The following SASH1 variants were observed in gnomAD, a reference collection of about 807,000 sequenced individuals.
SASH1 encodes the protein SAM and SH3 domain containing 1.
In SASH1, 44 loss-of-function variants were observed where a neutral mutation model predicts 125.2. That is an observed-to-expected ratio of 0.35 (90% confidence interval 0.28 to 0.45). The LOEUF (loss-of-function observed/expected upper bound fraction) is 0.45, where lower values mean the gene tolerates loss of function less well. SASH1 is among the 20% of genes least tolerant of loss of function. SASH1 has a pLI of 1.00. For missense variants in SASH1, 1,426 were observed against 1,614.5 expected, an observed-to-expected ratio of 0.88 and a Z score of 2.00; for synonymous variants, 639 against 649.1, an observed-to-expected ratio of 0.98 and a Z score of 0.24.
chr6:148,365,700 T>A (rs1218544635), intron 1 of SASH1, among the ~76,000 whole-genome samples: 2 of 151,932 alleles, frequency 1.3e-5, no homozygotes, highest in African/African-American at 4.8e-5. Flanking sequence ...TTTGCCTGGG[T>A]GTAGTGGCTC....
At chr6:148,278,271 A>G (rs1779243428) in intron 1 of SASH1, among the ~76,000 whole-genome samples, 1 of 151,960 alleles carries the variant, frequency 6.6e-6, no homozygotes, top group African/African-American at 2.4e-5. Context: ...TCCTGACCTC[A>G]GGTGAACCAC....
At chr6:148,347,711 C>T (rs559531994) in intron 1 of SASH1, among the ~76,000 whole-genome samples, 1 of 152,182 alleles carries the variant, frequency 6.6e-6, no homozygotes, top group South Asian at 2.1e-4. Flanking sequence ...ATTTGAGAGT[C>T]AAGCACATTT....
the SASH1 span, among the ~76,000 whole-genome samples, chr6:148,262,337 C>T: frequency 3.3e-5 from 5 of 152,240 alleles, no homozygotes; most frequent in East Asian, 9.7e-4. Context: ...AGAGGAGAAC[C>T]CATTTTTCCT....
intron 1 of SASH1, among the ~76,000 whole-genome samples, chr6:148,381,372 A>G (rs978982712): frequency 1.3e-4 from 20 of 152,076 alleles, no homozygotes; most frequent in Non-Finnish European, 2.9e-5. Flanking sequence ...GAGGAGAGGG[A>G]AAGTGTTTCT....
intron 16 of SASH1, among the ~76,000 whole-genome samples, chr6:148,539,005 G>C (rs146973951): frequency 7.2e-5 from 11 of 152,010 alleles, no homozygotes; most frequent in Non-Finnish European, 1.6e-4. Context: ...AACATGCCGG[G>C]TGATGCTGCT....
the SASH1 span, among the ~76,000 whole-genome samples, chr6:148,214,471 A>C: frequency 1.3e-5 from 2 of 152,210 alleles, no homozygotes; most frequent in East Asian, 1.9e-4. Flanking sequence ...ATTCTCTGAC[A>C]TTAAAATTAG....
chr6:148,427,952 C>G (rs1180060150), intron 2 of SASH1, among the ~76,000 whole-genome samples: 3 of 152,220 alleles, frequency 2.0e-5, no homozygotes, highest in Admixed American at 6.5e-5. Flanking sequence ...GTGACTTCTT[C>G]AGGAATTTTC....
intron 1 of SASH1, among the ~76,000 whole-genome samples, chr6:148,334,409 C>T (rs1252618590): frequency 9.5e-6 from 1 of 105,802 alleles, no homozygotes; most frequent in African/African-American, 3.8e-5. Context: ...GCCTGGGCCA[C>T]AGAGCGAGAC....
At position 148,532,278 on chromosome 6, in the gene SASH1, C is replaced by T. The variant is rs1489453305; in HGVS notation, c.1565-519C>T. Among the ~76,000 whole-genome samples, 1 of 152,114 alleles carries T rather than the reference C, an allele frequency of 6.6e-6. No individual in the cohort carries two copies. Among genetic ancestry groups the T allele is most frequent in the African/African-American group, 2.4e-5 (1 of 41,434 alleles). On this transcript the variant is annotated intron_variant, in intron 13 of 19. Transcript: ENST00000367467. The surrounding 1 kb of genome is among the most constrained non-coding windows in gnomAD (Gnocchi z 4.7). ...AGAGACGGGGTTTTGCCATGTAGCC[C>T]AGGCTGGTGGAACTCCTGGACTCAA...
rs1283201815 is a variant in SASH1, at chr6:148,487,697, T to C, written c.711T>C (p.Asp237=). The C allele has an allele frequency of 1.2e-6, 2 of 1,612,948 alleles. No individual in the cohort carries two copies. The highest frequency in any genetic ancestry group is 2.2e-5 in the South Asian group (2 of 91,022). The change falls in exon 8 of 20, where the codon GAT becomes GAC. Residue 237 remains aspartate, a synonymous_variant. Transcript: ENST00000367467. ...DWPDGSYPTF[D]GSSNCNSREQ... is the part of the protein sequence containing the mutation. ...CAGATGGTTCTTACCCAACGTTTGA[T>C]GGCTCATCAAACTGCAATGTGAGTT...
At chr6:148,504,979 C>G (rs1343226521) in intron 8 of SASH1, among the ~76,000 whole-genome samples, 1 of 152,130 alleles carries the variant, frequency 6.6e-6, no homozygotes, top group East Asian at 1.9e-4. Context: ...GGGGATGTAT[C>G]CTTCCCGCCA....
intron 2 of SASH1, among the ~76,000 whole-genome samples, chr6:148,409,608 A>G (rs1332631294): frequency 1.3e-5 from 2 of 152,234 alleles, no homozygotes; most frequent in African/African-American, 4.8e-5. Flanking sequence ...TTTTTAATAA[A>G]TGTGAACGGC....
At chr6:148,203,910 C>T in the SASH1 span, among the ~76,000 whole-genome samples, 1 of 152,228 alleles carries the variant, frequency 6.6e-6, no homozygotes, top group Non-Finnish European at 1.5e-5. Flanking sequence ...TAACCTTACT[C>T]TCAACCTGTG....
chr6:148,322,824 T>C (rs9390556), intron 1 of SASH1, among the ~76,000 whole-genome samples: 113,145 of 149,884 alleles, frequency 0.75, 43,229 homozygotes, highest in East Asian at 0.9. Flanking sequence ...TCCATTCTCA[T>C]TTACACAGAG....
At chr6:148,531,902 T>C (rs928058053) in intron 13 of SASH1, among the ~76,000 whole-genome samples, 2 of 149,046 alleles carry the variant, frequency 1.3e-5, no homozygotes, top group African/African-American at 4.9e-5. Flanking sequence ...AGGGAAAGCA[T>C]CTCAGAGGAA....
intron 2 of SASH1, among the ~76,000 whole-genome samples, chr6:148,418,400 C>G (rs1457214168): frequency 6.6e-6 from 1 of 152,164 alleles, no homozygotes; most frequent in Admixed American, 6.5e-5. Flanking sequence ...TAGCACTTAA[C>G]ATGGTTTGTG....
intron 7 of SASH1, among the ~76,000 whole-genome samples, chr6:148,483,166 T>C (rs1320164475): frequency 1.3e-5 from 2 of 152,124 alleles, no homozygotes; most frequent in Non-Finnish European, 2.9e-5. Context: ...AGATTGGTCA[T>C]CTAGTGAAAA....
intron 2 of SASH1, among the ~76,000 whole-genome samples, chr6:148,414,395 G>T (rs922562080): frequency 1.3e-4 from 20 of 152,060 alleles, no homozygotes; most frequent in African/African-American, 4.3e-4. Context: ...GTAGACTGGG[G>T]TAGAAACCTT....
Position 148,343,008 on chromosome 6 carries a change from G to A in SASH1, c.-60G>A. 1.8e-6 allele frequency: 2 copies of A among 1,114,960 alleles called. No homozygotes were observed. The highest frequency in any genetic ancestry group is 2.2e-6 in the Non-Finnish European group (2 of 913,822). The allele number at this position is 1,114,960 out of a possible 1,614,324, so 69.1% of individuals were successfully genotyped here. ...CCCGGCATCCGGGCAGGCTGCGCGCGGGTGCGGGGCGAGGGCGCCGCGGGG... is the reference window on the plus strand; with the variant it reads ...CCCGGCATCCGGGCAGGCTGCGCGCAGGTGCGGGGCGAGGGCGCCGCGGGG... On this transcript the variant is annotated 5_prime_UTR_variant, in exon 1 of 20. Coordinates refer to ENST00000367467, the MANE Select transcript of SASH1 (RefSeq NM_015278.5).
Sources: allele counts gnomAD v4.1 joint callset (sites outside exome capture counted in the v4.1 genomes callset), GRCh38; gene constraint gnomAD v4.1.1; non-coding constraint Gnocchi (gnomAD v3.1); transcripts MANE v1.5; gene names NCBI Gene and HGNC (gene_info 2026-07-23, HGNC 2026-07-21).